C8A: variants seen among roughly 807,000 people sequenced by gnomAD.
C8A encodes the protein complement component C8 alpha chain.
In C8A, 67 loss-of-function variants were observed where a neutral mutation model predicts 65.3. The observed-to-expected ratio is 1.03, with a 90% CI of 0.84 to 1.26. The LOEUF is 1.26. Ranked by LOEUF, C8A falls within the 50% of genes most tolerant of loss-of-function variation. C8A has a pLI of 0.00. For missense variants in C8A, 781 were observed against 723.9 expected, an observed-to-expected ratio of 1.08 and a Z score of -0.90; for synonymous variants, 290 against 259.4, an observed-to-expected ratio of 1.12 and a Z score of -1.13.
rs1217197758 is a variant in C8A, at chr1:56,908,071, G to A, written c.1338G>A (p.Trp446Ter). 6.2e-7 allele frequency: 1 copy of A among 1,614,158 alleles called. No individual in the cohort carries two copies. The highest frequency in any genetic ancestry group is 8.5e-7 in the Non-Finnish European group (1 of 1,180,022). ...GGAGCACCATTACATACCGTTCCTG[G>A]GGGAGGTCATTAAAGTATAATCCTG... ...QNRSTITYRS[W>*]GRSLKYNPVV... The change falls in exon 9 of 11, where the codon TGG becomes TGA. Residue 446 changes from tryptophan to a stop codon, truncating the protein, a stop_gained. Transcript: ENST00000361249. LOFTEE classifies it high-confidence loss of function.
At chr1:56,906,813 C>T (rs751528652) in intron 8 of C8A, 21 bp downstream of exon 8, 5 of 1,613,882 alleles carry the variant, frequency 3.1e-6, no homozygotes, top group South Asian at 1.1e-5. Context: ...AGTAATAGAT[C>T]TCCCAAAAAG....
chr1:56,885,305 T>A (rs1441036439), intron 6 of C8A, among the ~76,000 whole-genome samples: 3 of 127,484 alleles, frequency 2.4e-5, no homozygotes, highest in African/African-American at 1.1e-4. Flanking sequence ...TATTTATATA[T>A]ATTTACATAA....
At chr1:56,884,624 A>T (rs1307116096) in intron 6 of C8A, among the ~76,000 whole-genome samples, 1 of 152,154 alleles carries the variant, frequency 6.6e-6, no homozygotes, top group Non-Finnish European at 1.5e-5. Flanking sequence ...GTTAATATGG[A>T]CTTTTCTAAA....
intron 1 of C8A, among the ~76,000 whole-genome samples, chr1:56,857,976 C>T (rs2101181789): frequency 6.6e-6 from 1 of 152,096 alleles, no homozygotes; most frequent in Admixed American, 6.5e-5. Context: ...TTCTATAACT[C>T]TATATTTATT....
chr1:56,866,589 T>C (rs1644090454), intron 1 of C8A, among the ~76,000 whole-genome samples: 1 of 152,260 alleles, frequency 6.6e-6, no homozygotes. Context: ...TTTCTGTTCC[T>C]ACACTAGGGT....
At chr1:56,886,831 A>G (rs1415482253) in intron 7 of C8A, among the ~76,000 whole-genome samples, 1 of 152,216 alleles carries the variant, frequency 6.6e-6, no homozygotes. Flanking sequence ...AGCATCGACC[A>G]CATTAATGAT....
Position 56,874,980 on chromosome 1 carries a change from A to G in C8A, c.203A>G (p.Lys68Arg), listed in dbSNP as rs371895687. 2 of 1,613,626 alleles carry G rather than the reference A, an allele frequency of 1.2e-6. No individual in the cohort carries two copies. The highest frequency in any genetic ancestry group is 2.7e-5 in the African/African-American group (2 of 74,904). Residue 68 changes from lysine to arginine, a missense_variant, in exon 3 of 11, where the codon AAG (lysine) becomes AGG (arginine). Coordinates refer to ENST00000361249, the MANE Select transcript of C8A (RefSeq NM_000562.3). ...CACCGGAGCCTCTTGCAGCCAAACA[A>G]GTTTGGGGGAACCATCTGCAGTGGT... ...YRHRSLLQPN[K>R]FGGTICSGDI...
Position 56,906,654 on chromosome 1 carries a change from C to A in C8A, c.1097-13C>A, listed in dbSNP as rs1644465992. The A allele has an allele frequency of 6.2e-7, 1 of 1,613,806 alleles. No homozygotes were observed. Among genetic ancestry groups the A allele is most frequent in the South Asian group, 1.1e-5 (1 of 91,080 alleles). On this transcript the variant is annotated splice_polypyrimidine_tract_variant and intron_variant, in intron 7 of 10. Coordinates refer to ENST00000361249, the MANE Select transcript of C8A (RefSeq NM_000562.3). ...AACTCAGCATTTTGTGTTTCTCTGT[C>A]TCCCTGTTGCAGGTATTACCAGCAG...
At chr1:56,866,590 A>G (rs1371547516) in intron 1 of C8A, among the ~76,000 whole-genome samples, 2 of 152,230 alleles carry the variant, frequency 1.3e-5, no homozygotes, top group Non-Finnish European at 2.9e-5. Context: ...TTCTGTTCCT[A>G]CACTAGGGTT....
intron 3 of C8A, among the ~76,000 whole-genome samples, chr1:56,875,740 A>C (rs1485391258): frequency 1.3e-5 from 2 of 152,148 alleles, no homozygotes; most frequent in East Asian, 3.9e-4. Context: ...TAGGGTCCAG[A>C]CTGTGGCATT....
Position 56,917,607 on chromosome 1 carries a change from C to G in C8A, c.1646C>G (p.Ser549Cys). The G allele has an allele frequency of 1.2e-6, 2 of 1,614,146 alleles. No individual in the cohort carries two copies. The highest frequency in any genetic ancestry group is 2.2e-5 in the South Asian group (2 of 91,074). ...DGSWSCWSSW[S>C]VCRAGIQERR... is the part of the protein sequence containing the mutation. ...AGCTGGAGTTGCTGGAGCTCCTGGT[C>G]TGTATGCAGAGCAGGCATCCAGGAA... is the stretch of plus-strand genomic sequence containing the variant. Residue 549 changes from serine (S) to cysteine (C), a missense_variant, in exon 11 of 11, where the codon TCT becomes TGT. Transcript: ENST00000361249.
intron 4 of C8A, 114 bp downstream of exon 4, chr1:56,876,323 CTG>C: frequency 8.3e-7 from 1 of 1,212,066 alleles, no homozygotes; most frequent in Non-Finnish European, 1.2e-6. Context: ...GGAGTGCATG[CTG>C]TGAGCTGCTC....
At chr1:56,907,632 G>A (rs538190773) in intron 8 of C8A, among the ~76,000 whole-genome samples, 2 of 152,148 alleles carry the variant, frequency 1.3e-5, no homozygotes, top group Non-Finnish European at 2.9e-5. Flanking sequence ...TCGGCATATA[G>A]CAGGCACTGA....
chr1:56,902,373 T>G (rs1161973870), intron 7 of C8A, among the ~76,000 whole-genome samples: 5 of 141,670 alleles, frequency 3.5e-5, no homozygotes, highest in African/African-American at 1.3e-4. Flanking sequence ...CTCTTAAAGA[T>G]AAATCTTTTT....
Position 56,854,871 on chromosome 1 carries a change from A to G in C8A, c.-31A>G. ...CTGAATAGATAGCTTTATTCCTTCA[A>G]GGTAATATAGTGCGGTGGCTTCTGG... On this transcript the variant is annotated 5_prime_UTR_variant, in exon 1 of 11. Coordinates refer to ENST00000361249, the MANE Select transcript of C8A (RefSeq NM_000562.3). 1 of 1,595,520 alleles carries G rather than the reference A, an allele frequency of 6.3e-7. No homozygotes were observed.
intron 7 of C8A, among the ~76,000 whole-genome samples, chr1:56,890,654 G>T (rs1279727427): frequency 6.6e-6 from 1 of 152,030 alleles, no homozygotes; most frequent in Admixed American, 6.6e-5. Context: ...GTTGTTGCAG[G>T]TGTTGTCATC....
chr1:56,855,414 A>G (rs1302006945), intron 1 of C8A, among the ~76,000 whole-genome samples: 3 of 152,190 alleles, frequency 2.0e-5, no homozygotes, highest in African/African-American at 7.2e-5. Flanking sequence ...GTAAAAGAGC[A>G]TCATAAGAGT....
chr1:56,871,561 A>C (rs1644147476), intron 2 of C8A, among the ~76,000 whole-genome samples: 1 of 152,236 alleles, frequency 6.6e-6, no homozygotes, highest in African/African-American at 2.4e-5. Flanking sequence ...ATGAGAAAAC[A>C]GGATCAGAGA....
At chr1:56,880,815 A>G (rs1281685399) in intron 4 of C8A, among the ~76,000 whole-genome samples, 1 of 152,198 alleles carries the variant, frequency 6.6e-6, no homozygotes, top group East Asian at 1.9e-4. Flanking sequence ...TAACTCTATG[A>G]GGGCAGTAGT....
Sources: gnomAD v4.1 joint callset for allele counts (sites outside exome capture counted in the v4.1 genomes callset) on GRCh38, gnomAD v4.1.1 for gene constraint, MANE v1.5 for transcripts, NCBI Gene and HGNC (gene_info 2026-07-23, HGNC 2026-07-21) for gene names.